CDC42EP3: variants seen among roughly 807,000 people sequenced by gnomAD.
CDC42EP3 encodes CDC42 effector protein 3, also known as CDC42 effector protein (Rho GTPase binding) 3.
CDC42EP3 carries 4 observed loss-of-function variants against 15.5 expected under a neutral mutation model. The ratio of observed to expected loss-of-function variants is 0.26; its 90% CI spans 0.13 to 0.59. CDC42EP3 has a LOEUF of 0.59. CDC42EP3 is among the 20% of genes least tolerant of loss of function. The probability of loss-of-function intolerance (pLI) is 0.89; values close to 1 mark genes in which losing one functional copy is unlikely to be tolerated. For missense variants in CDC42EP3, 309 were observed against 311.2 expected, an observed-to-expected ratio of 0.99 and a Z score of 0.05; for synonymous variants, 145 against 130.3, an observed-to-expected ratio of 1.11 and a Z score of -0.77.
Position 37,645,808 on chromosome 2 carries a change from A to C in CDC42EP3, c.*15T>G. 6.6e-7 allele frequency: 1 copy of C among 1,510,950 alleles called. No homozygotes were observed. The highest frequency in any genetic ancestry group is 2.3e-5 in the Admixed American group (1 of 42,696). The allele number at this position is 1,510,950 out of a possible 1,614,324, so 93.6% of individuals were successfully genotyped here. A position where few individuals can be genotyped will look rare whatever the true frequency, so the allele number is the denominator to read the frequency against. On this transcript the variant is annotated 3_prime_UTR_variant, in exon 2 of 2. Transcript: ENST00000295324. Reference sequence around the variant, plus strand: ...TTTGTACCTTTTACCCCAAAGGAAAAAAGTTGGCATCTTGTTACTTATTTT... The same window carrying C: ...TTTGTACCTTTTACCCCAAAGGAAACAAGTTGGCATCTTGTTACTTATTTT...
chr2:37,649,494 T>C (rs1218837996), intron 1 of CDC42EP3, among the ~76,000 whole-genome samples: 3 of 126,070 alleles, frequency 2.4e-5, no homozygotes, highest in African/African-American at 9.0e-5. Flanking sequence ...CCCATGAAAA[T>C]GTAGCCAGAG....
chr2:37,654,666 T>A (rs182979222), intron 1 of CDC42EP3, among the ~76,000 whole-genome samples: 1 of 152,338 alleles, frequency 6.6e-6, no homozygotes, highest in East Asian at 1.9e-4. Flanking sequence ...CTGAGTTTCC[T>A]GTATGGGAAC....
chr2:37,668,747 T>C (rs1296043188), intron 1 of CDC42EP3, among the ~76,000 whole-genome samples: 20 of 152,250 alleles, frequency 1.3e-4, no homozygotes, highest in Admixed American at 1.3e-3. Context: ...ACAACGGTTC[T>C]TTCATTAGAT....
chr2:37,660,088 T>A (rs1162728506), intron 1 of CDC42EP3, among the ~76,000 whole-genome samples: 1 of 152,222 alleles, frequency 6.6e-6, no homozygotes, highest in Non-Finnish European at 1.5e-5. Flanking sequence ...AGTGTTAAAA[T>A]CTACAGTGCT....
intron 1 of CDC42EP3, among the ~76,000 whole-genome samples, chr2:37,663,590 A>G (rs1263363616): frequency 1.3e-5 from 2 of 152,244 alleles, no homozygotes; most frequent in Non-Finnish European, 2.9e-5. Context: ...CAGGGCCCGC[A>G]GATGATCTCT....
chr2:37,665,775 G>C (rs1312529569), intron 1 of CDC42EP3, among the ~76,000 whole-genome samples: 1 of 152,162 alleles, frequency 6.6e-6, no homozygotes, highest in African/African-American at 2.4e-5. Context: ...CTCTGCCAGA[G>C]ATCTGCACGG....
Position 37,643,730 on chromosome 2 carries a change from C to T in CDC42EP3, c.*2093G>A, listed in dbSNP as rs919035968. On this transcript the variant is annotated 3_prime_UTR_variant, in exon 2 of 2. Transcript: ENST00000295324. ...ATTGAAAAGAGTCTAAAATTGGCTA[C>T]AAATAATGAGATACATTGGACTCTT... 6 of 151,372 alleles carry T rather than the reference C, an allele frequency of 4.0e-5. No individual in the cohort carries two copies. Among genetic ancestry groups the T allele is most frequent in the African/African-American group, 1.5e-4 (6 of 40,676 alleles). The allele number at this position is 151,372 out of a possible 1,614,324, so 9.4% of individuals were successfully genotyped here.
chr2:37,661,893 T>TA (rs920289362), intron 1 of CDC42EP3, among the ~76,000 whole-genome samples: 1 of 151,914 alleles, frequency 6.6e-6, no homozygotes, highest in African/African-American at 2.4e-5. Flanking sequence ...TTCCTTGGCT[T>TA]AAAAAAAAGT....
intron 1 of CDC42EP3, among the ~76,000 whole-genome samples, chr2:37,648,942 G>A (rs372780275): frequency 6.6e-6 from 1 of 152,128 alleles, no homozygotes; most frequent in South Asian, 2.1e-4. Context: ...AGCACACACG[G>A]CCAGGAAGGC....
At chr2:37,648,794 T>C (rs971912337) in intron 1 of CDC42EP3, among the ~76,000 whole-genome samples, 5 of 152,078 alleles carry the variant, frequency 3.3e-5, no homozygotes, top group Non-Finnish European at 7.4e-5. Context: ...CCTGTATGAG[T>C]GTACAATGCC....
intron 1 of CDC42EP3, among the ~76,000 whole-genome samples, chr2:37,664,063 A>G (rs1194812669): frequency 2.0e-5 from 3 of 152,154 alleles, no homozygotes. Flanking sequence ...AGTCCCAGCT[A>G]CTTGGGAGGC....
At chr2:37,656,832 C>G (rs1665863964) in intron 1 of CDC42EP3, among the ~76,000 whole-genome samples, 1 of 151,986 alleles carries the variant, frequency 6.6e-6, no homozygotes, top group African/African-American at 2.4e-5. Flanking sequence ...TGTCAGAAGC[C>G]AAAAATGAGA....
chr2:37,670,717 GCTA>G (rs1273352989), intron 1 of CDC42EP3, among the ~76,000 whole-genome samples: 6 of 152,088 alleles, frequency 3.9e-5, no homozygotes, highest in African/African-American at 1.4e-4. Context: ...CCAAAAATAT[GCTA>G]CTTTCTATTT....
rs1036142943 is a variant in CDC42EP3, at chr2:37,642,877, A to G, written c.*2946T>C. 3.3e-5 allele frequency: 5 copies of G among 152,316 alleles called. No homozygotes were observed. Among genetic ancestry groups the G allele is most frequent in the African/African-American group, 1.2e-4 (5 of 41,576 alleles). 9.4% of individuals were successfully genotyped at this position (152,316 alleles called of 1,614,324 possible). A position where few individuals can be genotyped will look rare whatever the true frequency, so the allele number is the denominator to read the frequency against. ...TCTTTTGTGTGTGCTGTTAACAGTG[A>G]TTTCTGGCTCAGTGAAATGTGATAA... On this transcript the variant is annotated 3_prime_UTR_variant, in exon 2 of 2. Coordinates refer to ENST00000295324, the MANE Select transcript of CDC42EP3 (RefSeq NM_006449.5).
At chr2:37,670,877 C>CA (rs1666392661) in intron 1 of CDC42EP3, among the ~76,000 whole-genome samples, 2 of 152,118 alleles carry the variant, frequency 1.3e-5, no homozygotes, top group Admixed American at 6.5e-5. Context: ...GGGAAGAAAA[C>CA]AAAAAACAAA....
At chr2:37,667,725 T>C (rs1289842382) in intron 1 of CDC42EP3, among the ~76,000 whole-genome samples, 1 of 152,214 alleles carries the variant, frequency 6.6e-6, no homozygotes, top group African/African-American at 2.4e-5. Context: ...AGATACAGGG[T>C]GATATGAAAT....
intron 1 of CDC42EP3, among the ~76,000 whole-genome samples, chr2:37,654,615 C>A (rs1053699385): frequency 6.6e-6 from 1 of 152,160 alleles, no homozygotes; most frequent in Non-Finnish European, 1.5e-5. Context: ...CTGCGCCTCC[C>A]TGACAGTGCG....
chr2:37,642,873 A>G lies in CDC42EP3; in HGVS notation c.*2950T>C, dbSNP rs1665312822. On this transcript the variant is annotated 3_prime_UTR_variant, in exon 2 of 2. Coordinates refer to ENST00000295324, the MANE Select transcript of CDC42EP3 (RefSeq NM_006449.5). ...GTAGTCTTTTGTGTGTGCTGTTAAC[A>G]GTGATTTCTGGCTCAGTGAAATGTG... is the stretch of plus-strand genomic sequence containing the variant. 6.6e-6 allele frequency: 1 copy of G among 152,146 alleles called. No homozygotes were observed. The highest frequency in any genetic ancestry group is 6.5e-5 in the Admixed American group (1 of 15,282). The allele number at this position is 152,146 out of a possible 1,614,324, so 9.4% of individuals were successfully genotyped here. A position where few individuals can be genotyped will look rare whatever the true frequency, so the allele number is the denominator to read the frequency against.
In CDC42EP3 at chr2:37,644,858, T is replaced by C. The variant is rs1665391975; in HGVS notation, c.*965A>G. The C allele has an allele frequency of 6.6e-6, 1 of 152,210 alleles. No individual in the cohort carries two copies. The allele number at this position is 152,210 out of a possible 1,614,324, so 9.4% of individuals were successfully genotyped here. On this transcript the variant is annotated 3_prime_UTR_variant, in exon 2 of 2. Transcript: ENST00000295324. The stretch of plus-strand genomic sequence containing the variant: ...AGTTCACTTTATCATTTACTTTTTA[T>C]TGTGTTGCTTGAAGTACCTATGTAA...
Sources: allele counts gnomAD v4.1 joint callset (sites outside exome capture counted in the v4.1 genomes callset), GRCh38; gene constraint gnomAD v4.1.1; transcripts MANE v1.5; gene names NCBI Gene and HGNC (gene_info 2026-07-23, HGNC 2026-07-21).